SPTLC2: variants seen among roughly 807,000 people sequenced by gnomAD.
SPTLC2 encodes serine palmitoyltransferase long chain base subunit 2, also known as serine palmitoyltransferase 2.
SPTLC2 carries 21 observed loss-of-function variants against 62.0 expected under a neutral mutation model. That is an observed-to-expected ratio of 0.34 (90% CI 0.24 to 0.49). The LOEUF (loss-of-function observed/expected upper bound fraction) is 0.49. Ranked by LOEUF, SPTLC2 falls within the 20% of genes least tolerant of loss-of-function variation. The pLI, the probability that SPTLC2 is intolerant of heterozygous loss-of-function variation, is 0.99. For missense variants in SPTLC2, 511 were observed against 713.0 expected (o/e 0.72, Z 3.23); for synonymous variants, 261 against 261.8 (o/e 1.00, Z 0.03).
intron 7 of SPTLC2, 81 bp from the exon 8 acceptor site, chr14:77,555,600 T>G: frequency 7.4e-7 from 1 of 1,348,102 alleles, no homozygotes; most frequent in South Asian, 1.2e-5. Context: ...GGCACTTCAT[T>G]ATTATTGAGT....
intron 9 of SPTLC2, among the ~76,000 whole-genome samples, chr14:77,536,538 A>G (rs554542963): frequency 6.6e-6 from 1 of 152,298 alleles, no homozygotes; most frequent in South Asian, 2.1e-4. Flanking sequence ...AATAAATGTT[A>G]GAATATTTTC....
chr14:77,536,454 C>T (rs1286085025), intron 9 of SPTLC2, among the ~76,000 whole-genome samples: 1 of 151,784 alleles, frequency 6.6e-6, no homozygotes, highest in Non-Finnish European at 1.5e-5. Context: ...ATATATATCA[C>T]GTGCCATAAA....
intron 5 of SPTLC2, among the ~76,000 whole-genome samples, chr14:77,568,634 C>G (rs1439349100): frequency 6.6e-6 from 1 of 151,878 alleles, no homozygotes; most frequent in Non-Finnish European, 1.5e-5. Flanking sequence ...CGGTGAAACC[C>G]CGTCTGTACT....
At chr14:77,568,764 C>A (rs938830598) in intron 5 of SPTLC2, among the ~76,000 whole-genome samples, 4 of 147,038 alleles carry the variant, frequency 2.7e-5, no homozygotes, top group African/African-American at 1.0e-4. Context: ...GCCGAAATCA[C>A]ACCACTGCAC....
At chr14:77,584,853 C>T (rs1008340654) in intron 2 of SPTLC2, among the ~76,000 whole-genome samples, 5 of 152,200 alleles carry the variant, frequency 3.3e-5, no homozygotes, top group African/African-American at 1.2e-4. Flanking sequence ...CCTGGACACC[C>T]TTGTGATCGG....
chr14:77,509,268 GC>G lies in SPTLC2; in HGVS notation c.*3015del, dbSNP rs2079320530. On this transcript the variant is annotated 3_prime_UTR_variant, in exon 12 of 12. Transcript: ENST00000216484. The stretch of plus-strand genomic sequence containing the variant: ...AAGCAAAGCAAAAAGTTGAAAAAGT[GC>G]TATAAAGTCCATGCCCCTGCTAAGT... The G allele has an allele frequency of 6.6e-6, 1 of 151,902 alleles. No individual in the cohort carries two copies. The highest frequency in any genetic ancestry group is 1.5e-5 in the Non-Finnish European group (1 of 68,010). The allele number at this position is 151,902 out of a possible 1,614,324, so 9.4% of individuals were successfully genotyped here. A position where few individuals can be genotyped will look rare whatever the true frequency, so the allele number is the denominator to read the frequency against.
intron 1 of SPTLC2, among the ~76,000 whole-genome samples, chr14:77,611,909 A>T (rs1221777240): frequency 6.6e-6 from 1 of 151,856 alleles, no homozygotes; most frequent in African/African-American, 2.4e-5. Flanking sequence ...AATGAGAAGT[A>T]AAAATTATTT....
chr14:77,559,483 G>A (rs1217011879), intron 6 of SPTLC2, among the ~76,000 whole-genome samples: 1 of 152,146 alleles, frequency 6.6e-6, no homozygotes, highest in African/African-American at 2.4e-5. Context: ...ATTATGATCT[G>A]AGAATGAGGA....
chr14:77,582,147 G>A (rs1452193686), intron 2 of SPTLC2, among the ~76,000 whole-genome samples: 6 of 151,720 alleles, frequency 4.0e-5, no homozygotes, highest in Non-Finnish European at 8.8e-5. Flanking sequence ...CCGCCTCCTA[G>A]GTTCAAGTGA....
intron 1 of SPTLC2, among the ~76,000 whole-genome samples, chr14:77,609,102 T>C (rs1452828614): frequency 6.6e-6 from 1 of 151,830 alleles, no homozygotes; most frequent in Admixed American, 6.6e-5. Flanking sequence ...AAACCCCATT[T>C]TGTATTCTGT....
intron 2 of SPTLC2, among the ~76,000 whole-genome samples, chr14:77,586,542 T>G (rs949721260): frequency 6.6e-6 from 1 of 152,156 alleles, no homozygotes; most frequent in African/African-American, 2.4e-5. Context: ...ATGTGGTATA[T>G]CCACATAACA....
chr14:77,533,543 C>T (rs1481305156), intron 9 of SPTLC2, among the ~76,000 whole-genome samples: 1 of 152,106 alleles, frequency 6.6e-6, no homozygotes, highest in East Asian at 1.9e-4. Flanking sequence ...GGAGTGTACA[C>T]GCAAGCAGTT....
At chr14:77,611,458 C>CAAAAAAAAA (rs34421039) in intron 1 of SPTLC2, among the ~76,000 whole-genome samples, 1 of 110,834 alleles carries the variant, frequency 9.0e-6, no homozygotes, top group Non-Finnish European at 1.8e-5. Context: ...CCTATCTCGC[C>CAAAAAAAAA]AAAAAAAAAA....
intron 1 of SPTLC2, among the ~76,000 whole-genome samples, chr14:77,602,354 T>C (rs371191014): frequency 1.3e-5 from 2 of 152,266 alleles, no homozygotes; most frequent in African/African-American, 4.8e-5. Flanking sequence ...TAAAACCTGA[T>C]ACTCCTCTTC....
At chr14:77,591,222 T>C (rs150064791) in intron 2 of SPTLC2, among the ~76,000 whole-genome samples, 245 of 152,286 alleles carry the variant, frequency 1.6e-3, no homozygotes, top group African/African-American at 5.6e-3. Context: ...CAGAAGAACA[T>C]ACACTGTATG....
At chr14:77,539,937 C>A (rs73303254) in intron 9 of SPTLC2, among the ~76,000 whole-genome samples, 25,311 of 152,046 alleles carry the variant, frequency 0.17, 2,392 homozygotes, top group African/African-American at 0.26. Context: ...TGGCTCATGC[C>A]TATAATCCCA....
chr14:77,529,184 G>A (rs745916938), intron 9 of SPTLC2, among the ~76,000 whole-genome samples: 13 of 150,524 alleles, frequency 8.6e-5, no homozygotes, highest in Non-Finnish European at 1.8e-4. Flanking sequence ...TTTTACTTTG[G>A]TTGGATTATA....
intron 1 of SPTLC2, among the ~76,000 whole-genome samples, chr14:77,614,951 A>C (rs2079957991): frequency 1.3e-5 from 2 of 151,494 alleles, no homozygotes; most frequent in Non-Finnish European, 2.9e-5. Flanking sequence ...AGCCTGGGTG[A>C]CAAGAGCAAA....
At chr14:77,569,854 G>GAATTAATAT (rs1594996097) in intron 5 of SPTLC2, among the ~76,000 whole-genome samples, 1 of 70,328 alleles carries the variant, frequency 1.4e-5, no homozygotes, top group Non-Finnish European at 3.1e-5. Flanking sequence ...TTATATATAT[G>GAATTAATAT]TATATAAATA....
Sources: allele counts gnomAD v4.1 joint callset (sites outside exome capture counted in the v4.1 genomes callset), GRCh38; gene constraint gnomAD v4.1.1; transcripts MANE v1.5; gene names NCBI Gene and HGNC (gene_info 2026-07-23, HGNC 2026-07-21).